DAPK1: variants seen among roughly 807,000 people sequenced by gnomAD.
DAPK1 encodes death associated protein kinase 1.
In DAPK1, 56 loss-of-function variants were observed where a neutral mutation model predicts 144.9. That is an observed-to-expected ratio of 0.39 (90% CI 0.31 to 0.48). The LOEUF (loss-of-function observed/expected upper bound fraction) is 0.48. DAPK1 is among the 20% of genes least tolerant of loss of function. DAPK1 has a pLI of 0.95. For synonymous variants in DAPK1, 690 were observed against 749.0 expected, an observed-to-expected ratio of 0.92 and a Z score of 1.29; for missense variants, 1,454 against 1,875.4, an observed-to-expected ratio of 0.78 and a Z score of 4.15.
chr9:87,546,450 T>C (rs1826253662), intron 2 of DAPK1, among the ~76,000 whole-genome samples: 1 of 152,122 alleles, frequency 6.6e-6, no homozygotes, highest in Non-Finnish European at 1.5e-5. Flanking sequence ...AAGGCAGAAT[T>C]GTGGCCCATA....
intron 2 of DAPK1, chr9:87,499,390 A>C: frequency 2.1e-6 from 1 of 471,932 alleles, no homozygotes; most frequent in Non-Finnish European, 3.8e-6. Flanking sequence ...CCTGGACAAA[A>C]TCAGATTTAA....
chr9:87,707,960 G>A lies in DAPK1; in HGVS notation c.*596G>A, dbSNP rs766605071. 6.7e-6 allele frequency: 3 copies of A among 448,746 alleles called. No individual in the cohort carries two copies. The highest frequency in any genetic ancestry group is 2.0e-5 in the African/African-American group (1 of 49,756). 27.8% of individuals were successfully genotyped at this position (448,746 alleles called of 1,614,324 possible). ...AGCCAGGAGCTGTCACCAAGGAAAC[G>A]CTACCTCTCTGTCCCTTGCTGTATG... is the stretch of plus-strand genomic sequence containing the variant. On this transcript the variant is annotated 3_prime_UTR_variant, in exon 26 of 26. Transcript: ENST00000408954. This position sits in a 1 kb window ranked among gnomAD's most constrained non-coding sequence, Gnocchi z 4.0.
intron 21 of DAPK1, among the ~76,000 whole-genome samples, chr9:87,690,252 T>TTC: frequency 2.0e-5 from 3 of 152,118 alleles, no homozygotes; most frequent in Admixed American, 6.6e-5. Context: ...AGTATTTTAT[T>TTC]TTTATTGCAG....
chr9:87,515,960 C>G (rs116907107), intron 2 of DAPK1, among the ~76,000 whole-genome samples: 487 of 152,280 alleles, frequency 3.2e-3, no homozygotes, highest in South Asian at 0.011. Context: ...CCTTGCCCCC[C>G]TTTCCCTAGC....
chr9:87,504,450 G>A (rs1294297978), intron 2 of DAPK1, among the ~76,000 whole-genome samples: 1 of 152,112 alleles, frequency 6.6e-6, no homozygotes, highest in Non-Finnish European at 1.5e-5. Flanking sequence ...GGTTCAAGGG[G>A]GCCAGGAACA....
chr9:87,565,537 G>A (rs952840260), intron 2 of DAPK1, among the ~76,000 whole-genome samples: 1 of 152,052 alleles, frequency 6.6e-6, no homozygotes, highest in Non-Finnish European at 1.5e-5. Context: ...ACTAACTCAG[G>A]TTACAGATGG....
intron 1 of DAPK1, chr9:87,498,562 G>A: frequency 4.0e-6 from 1 of 251,134 alleles, no homozygotes; most frequent in Non-Finnish European, 7.5e-6. Flanking sequence ...GTTGCCGCAG[G>A]CTGGAGAGAG....
chr9:87,684,159 C>T (rs973183293), intron 20 of DAPK1, among the ~76,000 whole-genome samples: 3 of 152,360 alleles, frequency 2.0e-5, no homozygotes, highest in African/African-American at 4.8e-5. Context: ...ACCGCGAGGG[C>T]GGCCTGGGGA....
At chr9:87,663,680 G>A (rs1305835128) in intron 18 of DAPK1, among the ~76,000 whole-genome samples, 3 of 152,012 alleles carry the variant, frequency 2.0e-5, no homozygotes, top group Non-Finnish European at 4.4e-5. Flanking sequence ...ACTTGCAGCT[G>A]TCCAACACTG....
intron 2 of DAPK1, among the ~76,000 whole-genome samples, chr9:87,550,639 G>A (rs946562468): frequency 1.3e-5 from 2 of 152,204 alleles, no homozygotes; most frequent in African/African-American, 4.8e-5. Context: ...CATCTACAAT[G>A]ACCATATTTC....
intron 3 of DAPK1, 68 bp downstream of exon 3, chr9:87,605,243 T>C (rs1828674395): frequency 7.5e-7 from 1 of 1,325,466 alleles, no homozygotes; most frequent in Non-Finnish European, 1.1e-6. Context: ...TCGTTCCAGC[T>C]GGACCACGCC....
chr9:87,542,758 C>T (rs1200811134), intron 2 of DAPK1, among the ~76,000 whole-genome samples: 4 of 152,098 alleles, frequency 2.6e-5, no homozygotes, highest in Admixed American at 6.6e-5. Flanking sequence ...TGTCTGAGTC[C>T]GAGATTAATG....
Position 87,640,389 on chromosome 9 carries a change from T to A in DAPK1, c.721T>A (p.Phe241Ile). 1.2e-6 allele frequency: 2 copies of A among 1,614,222 alleles called. No individual in the cohort carries two copies. The highest frequency in any genetic ancestry group is 1.7e-6 in the Non-Finnish European group (2 of 1,180,016). ...AVNYEFEDEY[F>I]SNTSALAKDF... ...CAACTACGAATTTGAGGATGAATAC[T>A]TCAGTAATACCAGTGCCCTAGCCAA... Residue 241 changes from phenylalanine (F) to isoleucine (I), a missense_variant, in exon 8 of 26, where the codon TTC (phenylalanine) becomes ATC (isoleucine). Transcript: ENST00000408954.
At chr9:87,498,656 A>T (rs1358919889) in intron 1 of DAPK1, 1 of 357,852 alleles carries the variant, frequency 2.8e-6, no homozygotes, top group Non-Finnish European at 5.0e-6. Flanking sequence ...CTGGGTGGGC[A>T]TGTGTGCAGA....
In DAPK1 at chr9:87,639,472, C is replaced by A; in HGVS notation, c.542C>A (p.Pro181Gln). The change falls in exon 5 of 26, where the codon CCA (proline) becomes CAA (glutamine). Residue 181 changes from proline (P) to glutamine (Q), a missense_variant. Around this residue, in one of 2 missense-constraint regions of DAPK1, gnomAD observed 429 missense variants for 637.5 expected, o/e 0.67. Transcript: ENST00000408954. Reference sequence around the variant, plus strand: ...GAATTTAAAAACATATTTGGGACTCCAGAGTTTGTCGGTAAGTTTCTTTGC... The same window carrying A: ...GAATTTAAAAACATATTTGGGACTCAAGAGTTTGTCGGTAAGTTTCTTTGC... ...GNEFKNIFGT[P>Q]EFVAPEIVNY... 6.2e-7 allele frequency: 1 copy of A among 1,611,886 alleles called. No individual in the cohort carries two copies. Among genetic ancestry groups the A allele is most frequent in the Non-Finnish European group, 8.5e-7 (1 of 1,179,504 alleles).
chr9:87,642,034 G>C lies in DAPK1; in HGVS notation c.894G>C (p.Lys298Asn). 1 of 1,614,044 alleles carries C rather than the reference G, an allele frequency of 6.2e-7. No individual in the cohort carries two copies. Among genetic ancestry groups the C allele is most frequent in the Non-Finnish European group, 8.5e-7 (1 of 1,179,958 alleles). ...ASAVNMEKFK[K>N]FAARKKWKQS... The stretch of plus-strand genomic sequence containing the variant: ...CAGTAAACATGGAGAAATTCAAGAA[G>C]TTTGCAGCCCGGAAAAAATGGAAAG... The change falls in exon 10 of 26, where the codon AAG (lysine) becomes AAC (asparagine). Residue 298 changes from lysine (K) to asparagine (N), a missense_variant. By Grantham distance (94) the Lys-to-Asn change is moderately conservative. Around this residue, in one of 2 missense-constraint regions of DAPK1, gnomAD observed 429 missense variants for 637.5 expected, o/e 0.67. Transcript: ENST00000408954.
rs375621531 is a variant in DAPK1 at position 87,650,010 on chromosome 9, C to G, written c.1518C>G (p.Ile506Met). The G allele has an allele frequency of 6.2e-7, 1 of 1,614,084 alleles. No individual in the cohort carries two copies. The highest frequency in any genetic ancestry group is 8.5e-7 in the Non-Finnish European group (1 of 1,180,052). Residue 506 changes from isoleucine (I) to methionine (M), a missense_variant, in exon 16 of 26, where the codon ATC becomes ATG. This residue lies in a region of DAPK1 where 429 missense variants were observed against 637.5 expected (regional missense o/e 0.67). Transcript: ENST00000408954. Reference protein sequence around the residue: ...ALCEAGCNVNIKNREGETPLL... With the variant: ...ALCEAGCNVNMKNREGETPLL... The stretch of plus-strand genomic sequence containing the variant: ...GTGAAGCCGGCTGTAACGTGAACAT[C>G]AAGAACCGAGAAGGAGAGACGCCCC...
At chr9:87,690,120 T>C in intron 21 of DAPK1, among the ~76,000 whole-genome samples, 1 of 152,206 alleles carries the variant, frequency 6.6e-6, no homozygotes. Context: ...ACAATGTTGA[T>C]TCTTCCAATA....
chr9:87,609,113 T>C lies in DAPK1; in HGVS notation c.284+3938T>C, dbSNP rs147423547. On this transcript the variant is annotated intron_variant, in intron 3 of 25. Coordinates refer to ENST00000408954, the MANE Select transcript of DAPK1 (RefSeq NM_004938.4). Reference sequence around the variant, plus strand: ...CTGACCCTAAGTAGGAGACCATTTTTCCTGCCTAACGTGGCTTTGAACTGG... The same window carrying C: ...CTGACCCTAAGTAGGAGACCATTTTCCCTGCCTAACGTGGCTTTGAACTGG... Among the ~76,000 whole-genome samples, 746 of 151,786 alleles carry C rather than the reference T, an allele frequency of 4.9e-3. 10 individuals are homozygous for C. The highest frequency in any genetic ancestry group is 0.017 in the African/African-American group (700 of 41,054).
Sources: allele counts gnomAD v4.1 joint callset (sites outside exome capture counted in the v4.1 genomes callset), GRCh38; gene constraint gnomAD v4.1.1; regional missense constraint gnomAD v4.1.1; non-coding constraint Gnocchi (gnomAD v3.1); transcripts MANE v1.5; gene names NCBI Gene and HGNC (gene_info 2026-07-23, HGNC 2026-07-21).